Variants in APBB2 observed in about 807,000 individuals in gnomAD.
The protein encoded by APBB2 is amyloid beta precursor protein binding family B member 2.
APBB2 carries 38 observed loss-of-function variants against 82.5 expected under a neutral mutation model. That is an observed-to-expected ratio of 0.46 (90% CI 0.36 to 0.60). APBB2 has a LOEUF of 0.60. APBB2 is among the 20% of genes least tolerant of loss of function. The pLI is 0.00. For synonymous variants in APBB2, 341 were observed against 368.2 expected (o/e 0.93, Z 0.85); for missense variants, 772 against 972.3 (o/e 0.79, Z 2.74).
intron 6 of APBB2, among the ~76,000 whole-genome samples, chr4:40,994,491 T>C (rs1217307772): frequency 6.6e-6 from 1 of 151,986 alleles, no homozygotes; most frequent in Non-Finnish European, 1.5e-5. Flanking sequence ...AAACATAGTA[T>C]GACTTATCTT....
intron 12 of APBB2, among the ~76,000 whole-genome samples, chr4:40,871,060 G>A (rs1211848579): frequency 6.6e-6 from 1 of 151,692 alleles, no homozygotes; most frequent in Admixed American, 6.6e-5. Context: ...ACTGGATTTA[G>A]GTCCCACTCA....
chr4:41,061,667 TA>T (rs1422944180), intron 4 of APBB2, among the ~76,000 whole-genome samples: 1 of 152,218 alleles, frequency 6.6e-6, no homozygotes, highest in Non-Finnish European at 1.5e-5. Context: ...AGTTTTAACA[TA>T]AACACAAATA....
chr4:40,944,950 C>T lies in APBB2; in HGVS notation c.959G>A (p.Arg320Gln), dbSNP rs750071396. Residue 320 changes from arginine (R) to glutamine (Q), a missense_variant, in exon 7 of 18, where the codon CGG (arginine) becomes CAG (glutamine). Transcript: ENST00000508593. ...HIPTGTTQWE[R>Q]PVSIPADLQG... ...GAGATCTGCTGGGATGGAGACGGGC[C>T]GTTCCCACTGAGTCGTTCCTGTTGG... 2.9e-5 allele frequency: 47 copies of T among 1,613,794 alleles called. No individual in the cohort carries two copies. The highest frequency in any genetic ancestry group is 4.5e-5 in the East Asian group (2 of 44,892).
chr4:41,023,432 C>T (rs1180690442), intron 5 of APBB2, among the ~76,000 whole-genome samples: 2 of 152,012 alleles, frequency 1.3e-5, no homozygotes, highest in Non-Finnish European at 2.9e-5. Flanking sequence ...TCTAGAAAAT[C>T]CCACAGCCTC....
chr4:41,097,698 G>A (rs1446490246), intron 3 of APBB2, among the ~76,000 whole-genome samples: 1 of 151,764 alleles, frequency 6.6e-6, no homozygotes, highest in African/African-American at 2.4e-5. Context: ...TTGAAGGTAC[G>A]GTTATATTTT....
chr4:40,850,496 C>T (rs1758995194), intron 12 of APBB2, among the ~76,000 whole-genome samples: 1 of 152,112 alleles, frequency 6.6e-6, no homozygotes, highest in African/African-American at 2.4e-5. Context: ...TGACGAAATC[C>T]CTATTTGAAT....
chr4:40,834,478 G>C (rs925241848), intron 12 of APBB2, among the ~76,000 whole-genome samples: 7 of 152,212 alleles, frequency 4.6e-5, no homozygotes, highest in African/African-American at 1.7e-4. Context: ...AGCATCACTT[G>C]CCTGTGTGAA....
intron 6 of APBB2, 47 bp downstream of exon 6, chr4:41,013,536 T>G (rs746114379): frequency 1.2e-6 from 1 of 817,524 alleles, no homozygotes; most frequent in Non-Finnish European, 1.7e-6. Context: ...GTTGAAAAGA[T>G]AAAAAAAAAA....
At chr4:40,951,639 C>T (rs1331085892) in intron 6 of APBB2, among the ~76,000 whole-genome samples, 2 of 152,200 alleles carry the variant, frequency 1.3e-5, no homozygotes, top group South Asian at 2.1e-4. Flanking sequence ...TTCAGATGCA[C>T]ATCTGTAAAA....
chr4:40,820,552 C>G (rs11733136), intron 17 of APBB2, among the ~76,000 whole-genome samples: 29,911 of 151,706 alleles, frequency 0.2, 3,409 homozygotes, highest in Admixed American at 0.33. Context: ...GTAATCCCAG[C>G]TATTTGGGAG....
chr4:40,964,560 C>A (rs1008601999), intron 6 of APBB2, among the ~76,000 whole-genome samples: 1 of 151,952 alleles, frequency 6.6e-6, no homozygotes, highest in African/African-American at 2.4e-5. Flanking sequence ...GAGGAATGTG[C>A]GGGGTGCTCC....
intron 1 of APBB2, among the ~76,000 whole-genome samples, chr4:41,159,282 A>C (rs1005023989): frequency 6.6e-6 from 1 of 151,994 alleles, no homozygotes; most frequent in African/African-American, 2.4e-5. Flanking sequence ...AGGAAGGAAG[A>C]AGGGAAGGGA....
chr4:41,025,791 T>C (rs62412139), intron 5 of APBB2, among the ~76,000 whole-genome samples: 6,654 of 142,606 alleles, frequency 0.047, 319 homozygotes, highest in African/African-American at 0.13. Flanking sequence ...TGGTGGTAGA[T>C]GCCTATAATC....
chr4:40,981,813 C>T (rs1034344912), intron 6 of APBB2, among the ~76,000 whole-genome samples: 13 of 152,092 alleles, frequency 8.5e-5, no homozygotes, highest in Non-Finnish European at 1.5e-5. Flanking sequence ...CTTAAAATGC[C>T]ATTCAACTTG....
intron 5 of APBB2, among the ~76,000 whole-genome samples, chr4:41,031,041 A>G (rs1206188441): frequency 5.3e-5 from 8 of 152,184 alleles, no homozygotes; most frequent in Non-Finnish European, 1.2e-4. Flanking sequence ...CCTGGCCAAC[A>G]TGGTGAAACC....
chr4:40,957,844 A>T (rs1792089880), intron 6 of APBB2, among the ~76,000 whole-genome samples: 1 of 152,182 alleles, frequency 6.6e-6, no homozygotes, highest in Admixed American at 6.5e-5. Flanking sequence ...TTGGCCTCCC[A>T]AAGTGCTGGG....
intron 5 of APBB2, among the ~76,000 whole-genome samples, chr4:41,027,503 C>T (rs759747479): frequency 1.9e-4 from 29 of 151,564 alleles, no homozygotes; most frequent in African/African-American, 2.4e-4. Context: ...CACATCCTTG[C>T]CAACACTTGT....
In APBB2 at chr4:41,043,770, T is replaced by C. The variant is rs544278819; in HGVS notation, c.-50-10466A>G. Among the ~76,000 whole-genome samples the C allele has an allele frequency of 3.3e-5, 5 of 152,334 alleles. No homozygotes were observed. The South Asian group carries it at 1.0e-3, about 32-fold the overall frequency. On this transcript the variant is annotated intron_variant, in intron 4 of 17. Coordinates refer to ENST00000508593, the MANE Select transcript of APBB2 (RefSeq NM_004307.2). The stretch of plus-strand genomic sequence containing the variant: ...AATCCTAGTCACCATTAGTGCTGTC[T>C]ATTTTTAAAATTTTGATGTCTTTTA...
chr4:41,052,538 T>C (rs1053619821), intron 4 of APBB2, among the ~76,000 whole-genome samples: 2 of 152,186 alleles, frequency 1.3e-5, no homozygotes, highest in Non-Finnish European at 2.9e-5. Context: ...CATAAGATAC[T>C]GCCATCGTGA....
Sources: allele counts gnomAD v4.1 joint callset (sites outside exome capture counted in the v4.1 genomes callset), GRCh38; gene constraint gnomAD v4.1.1; transcripts MANE v1.5; gene names NCBI Gene and HGNC (gene_info 2026-07-23, HGNC 2026-07-21).